Variants in TBX4 observed in about 807,000 individuals in gnomAD.
TBX4 encodes the protein T-box transcription factor 4, also known as T-box transcription factor TBX4.
In TBX4, 13 loss-of-function variants were observed where a neutral mutation model predicts 54.6. The observed-to-expected ratio is 0.24, with a 90% confidence interval of 0.15 to 0.38. The LOEUF (loss-of-function observed/expected upper bound fraction) is 0.38, where lower values mean the gene tolerates loss of function less well. TBX4 is among the 10% of genes least tolerant of loss of function. TBX4 has a pLI of 1.00. For synonymous variants in TBX4, 314 were observed against 306.7 expected (o/e 1.02, Z -0.25); for missense variants, 631 against 728.5 (o/e 0.87, Z 1.54).
chr17:61,482,670 A>C (rs564950534), intron 8 of TBX4, among the ~76,000 whole-genome samples: 2 of 152,124 alleles, frequency 1.3e-5, no homozygotes, highest in African/African-American at 4.8e-5. Flanking sequence ...GTGTCCGGTG[A>C]TGTGGTGTCC....
intron 3 of TBX4, chr17:61,463,466 A>T (rs2060513337): frequency 6.6e-6 from 1 of 152,336 alleles, no homozygotes; most frequent in Non-Finnish European, 1.5e-5. Context: ...GTCCCAAGAC[A>T]CCAGCTGGGG....
At chr17:61,455,500 C>T (rs2060440937) in intron 1 of TBX4, among the ~76,000 whole-genome samples, 1 of 152,228 alleles carries the variant, frequency 6.6e-6, no homozygotes, top group Non-Finnish European at 1.5e-5. Flanking sequence ...GCTCTCATCC[C>T]GAGGCCCCAG....
chr17:61,453,481 A>T (rs918105473), intron 1 of TBX4, among the ~76,000 whole-genome samples: 8 of 152,228 alleles, frequency 5.3e-5, no homozygotes, highest in Non-Finnish European at 7.3e-5. Flanking sequence ...GAGCAATAGT[A>T]ATATAAATAA....
At position 61,481,912 on chromosome 17, in the gene TBX4, G is replaced by C. The variant is rs1220294677; in HGVS notation, c.1022-985G>C. 1 of 152,260 alleles carries C rather than the reference G, an allele frequency of 6.6e-6. No individual in the cohort carries two copies. The highest frequency in any genetic ancestry group is 1.5e-5 in the Non-Finnish European group (1 of 68,094). The allele number at this position is 152,260 out of a possible 1,614,324, so 9.4% of individuals were successfully genotyped here. A position where few individuals can be genotyped will look rare whatever the true frequency, so the allele number is the denominator to read the frequency against. Reference sequence around the variant, plus strand: ...CTCCCCAGTAGCTGAGATTACAGGTGTATGCCACCATGCCCAGCTAATATT... The same window carrying C: ...CTCCCCAGTAGCTGAGATTACAGGTCTATGCCACCATGCCCAGCTAATATT... On this transcript the variant is annotated intron_variant, in intron 8 of 8. Coordinates refer to ENST00000644296, the MANE Select transcript of TBX4 (RefSeq NM_001321120.2). This position sits in a 1 kb window ranked among gnomAD's most constrained non-coding sequence, Gnocchi z 4.8.
In TBX4 at chr17:61,485,104, C is replaced by T. The variant is rs891079942; in HGVS notation, c.*1588C>T. The T allele has an allele frequency of 6.6e-6, 1 of 152,086 alleles. No individual in the cohort carries two copies. The highest frequency in any genetic ancestry group is 2.4e-5 in the African/African-American group (1 of 41,400). The allele number at this position is 152,086 out of a possible 1,614,324, so 9.4% of individuals were successfully genotyped here. ...ATCGGAACATAAAGCCATTTTACAA[C>T]TGTGAAGTGTGTGGATGCTCTTTAT... is the stretch of plus-strand genomic sequence containing the variant. On this transcript the variant is annotated 3_prime_UTR_variant, in exon 9 of 9. Transcript: ENST00000644296. The surrounding 1 kb of genome is among the most constrained non-coding windows in gnomAD (Gnocchi z 4.6).
chr17:61,469,940 G>A (rs2143831641), intron 5 of TBX4, among the ~76,000 whole-genome samples: 1 of 152,314 alleles, frequency 6.6e-6, no homozygotes, highest in Non-Finnish European at 1.5e-5. Flanking sequence ...TACGTTTTCA[G>A]CTTGCCCTGA....
At chr17:61,470,826 G>A (rs958818072) in intron 5 of TBX4, among the ~76,000 whole-genome samples, 1 of 152,188 alleles carries the variant, frequency 6.6e-6, no homozygotes, top group African/African-American at 2.4e-5. Flanking sequence ...TGTGCCCGGC[G>A]ACTATGAGAT....
chr17:61,459,698 T>C lies in TBX4; in HGVS notation c.281+2067T>C, dbSNP rs1186146502. 6.6e-6 allele frequency among the ~76,000 whole-genome samples: 1 copy of C among 152,208 alleles called. No individual in the cohort carries two copies. Among genetic ancestry groups the C allele is most frequent in the Admixed American group, 6.5e-5 (1 of 15,284 alleles). On this transcript the variant is annotated intron_variant, in intron 3 of 8. Coordinates refer to ENST00000644296, the MANE Select transcript of TBX4 (RefSeq NM_001321120.2). This position sits in a 1 kb window ranked among gnomAD's most constrained non-coding sequence, Gnocchi z 4.8. Reference sequence around the variant, plus strand: ...CTTGATCCTAGTTGAGGCTTAGAGATGGACCTTAGGGAATTATGATAATAT... The same window carrying C: ...CTTGATCCTAGTTGAGGCTTAGAGACGGACCTTAGGGAATTATGATAATAT...
Position 61,483,328 on chromosome 17 carries a change from G to A in TBX4, c.1453G>A (p.Glu485Lys), listed in dbSNP as rs779390654. ...TCAGCTCTCCCAGTCTCAGGTCCGA[G>A]AGCGGGGGCCCAGCGCCTCATTCCC... ...YNQLSQSQVR[E>K]RGPSASFPRE... Residue 485 changes from glutamate to lysine, a missense_variant, in exon 9 of 9, where the codon GAG (glutamate) becomes AAG (lysine). Physicochemically the swap from Glu to Lys is moderately conservative, Grantham distance 56 (BLOSUM62 1). Around this residue, in one of 3 missense-constraint regions of TBX4, gnomAD observed 354 missense variants for 368.9 expected, o/e 0.96. Coordinates refer to ENST00000644296, the MANE Select transcript of TBX4 (RefSeq NM_001321120.2). This position sits in a 1 kb window ranked among gnomAD's most constrained non-coding sequence, Gnocchi z 6.6. The A allele has an allele frequency of 1.2e-6, 2 of 1,610,534 alleles. No homozygotes were observed. The highest frequency in any genetic ancestry group is 1.1e-5 in the South Asian group (1 of 90,994).
rs1228459378 is a variant in TBX4 at position 61,480,147 on chromosome 17, G to A, written c.849G>A (p.Gln283=). Residue 283 remains glutamine (Q), a synonymous_variant, in exon 8 of 9, where the codon CAG becomes CAA. Coordinates refer to ENST00000644296, the MANE Select transcript of TBX4 (RefSeq NM_001321120.2). This position sits in a 1 kb window ranked among gnomAD's most constrained non-coding sequence, Gnocchi z 6.2. ...SIMRQRLISP[Q]LSATPDVGPL... is the part of the protein sequence containing the mutation. Reference sequence around the variant, plus strand: ...TGAGGCAGAGGCTCATCTCCCCCCAGCTCTCAGCCACACCGGACGTGGGCC... The same window carrying A: ...TGAGGCAGAGGCTCATCTCCCCCCAACTCTCAGCCACACCGGACGTGGGCC... The A allele has an allele frequency of 6.2e-7, 1 of 1,613,978 alleles. No homozygotes were observed.
rs2060492449 is a variant in TBX4 at position 61,461,222 on chromosome 17, C to A, written c.281+3591C>A. Among the ~76,000 whole-genome samples the A allele has an allele frequency of 6.6e-6, 1 of 152,230 alleles. No individual in the cohort carries two copies. Among genetic ancestry groups the A allele is most frequent in the East Asian group, 1.9e-4 (1 of 5,202 alleles). On this transcript the variant is annotated intron_variant, in intron 3 of 8. Coordinates refer to ENST00000644296, the MANE Select transcript of TBX4 (RefSeq NM_001321120.2). This position sits in a 1 kb window ranked among gnomAD's most constrained non-coding sequence, Gnocchi z 5.1. The stretch of plus-strand genomic sequence containing the variant: ...CCACACACTCTCACCCCTGCCCCTC[C>A]CTCAGGGAAAAGATTTCTTAAATAT...
chr17:61,479,775 C>A lies in TBX4; in HGVS notation c.703-106C>A, dbSNP rs2060650125. On this transcript the variant is annotated intron_variant, in intron 6 of 8. Coordinates refer to ENST00000644296, the MANE Select transcript of TBX4 (RefSeq NM_001321120.2). The surrounding 1 kb of genome is among the most constrained non-coding windows in gnomAD (Gnocchi z 6.1). ...GAGAAGCGGTGAGGCTGGAGAGCGA[C>A]CCCTGAGGGAGGGAGGTTACATGTT... The A allele has an allele frequency of 5.0e-6, 6 of 1,189,686 alleles. No homozygotes were observed. Among genetic ancestry groups the A allele is most frequent in the Non-Finnish European group, 6.3e-6 (5 of 796,214 alleles). The allele number at this position is 1,189,686 out of a possible 1,614,324, so 73.7% of individuals were successfully genotyped here.
intron 1 of TBX4, among the ~76,000 whole-genome samples, chr17:61,455,738 A>G (rs1305094861): frequency 6.6e-6 from 1 of 152,158 alleles, no homozygotes; most frequent in Admixed American, 6.5e-5. Context: ...AGCACCAGGT[A>G]GGGGAGGCCT....
In TBX4 at chr17:61,480,023, C is replaced by T. The variant is rs539117881; in HGVS notation, c.791+54C>T. On this transcript the variant is annotated intron_variant, in intron 7 of 8. Coordinates refer to ENST00000644296, the MANE Select transcript of TBX4 (RefSeq NM_001321120.2). This position sits in a 1 kb window ranked among gnomAD's most constrained non-coding sequence, Gnocchi z 6.2. ...GGGCAGATGGGATTCAGGCACGTGG[C>T]CTCTGTGACCCTCGATGTATCTTCA... is the stretch of plus-strand genomic sequence containing the variant. The T allele has an allele frequency of 6.2e-7, 1 of 1,611,508 alleles. No homozygotes were observed. The highest frequency in any genetic ancestry group is 1.3e-5 in the African/African-American group (1 of 74,926).
rs537096640 is a variant in TBX4, at chr17:61,470,002, C to G, written c.549+2345C>G. 1.7e-4 allele frequency among the ~76,000 whole-genome samples: 26 copies of G among 152,346 alleles called. No individual in the cohort carries two copies. The South Asian group carries it at 5.4e-3, about 32-fold the overall frequency. On this transcript the variant is annotated intron_variant, in intron 5 of 8. Transcript: ENST00000644296. ...TCCAGCCACATGGGCTTGGACTTTT[C>G]TTGGGGATCCTCACGGTATCCCAGG...
At chr17:61,453,500 TAAC>T (rs1402272905) in intron 1 of TBX4, among the ~76,000 whole-genome samples, 1 of 152,150 alleles carries the variant, frequency 6.6e-6, no homozygotes, top group Non-Finnish European at 1.5e-5. Context: ...AAAGACATAT[TAAC>T]AAGAATTGCT....
Position 61,480,035 on chromosome 17 carries a change from T to C in TBX4, c.792-55T>C. The C allele has an allele frequency of 6.2e-7, 1 of 1,611,844 alleles. No individual in the cohort carries two copies. ...TTCAGGCACGTGGCCTCTGTGACCC[T>C]CGATGTATCTTCACTCTCTTCCTGT... On this transcript the variant is annotated intron_variant, in intron 7 of 8. Coordinates refer to ENST00000644296, the MANE Select transcript of TBX4 (RefSeq NM_001321120.2). The surrounding 1 kb of genome is among the most constrained non-coding windows in gnomAD (Gnocchi z 6.2).
chr17:61,458,215 T>C (rs2060468744), intron 3 of TBX4, among the ~76,000 whole-genome samples: 1 of 149,570 alleles, frequency 6.7e-6, no homozygotes, highest in African/African-American at 2.5e-5. Flanking sequence ...GGATGATTTA[T>C]AAAGTGGAAA....
At chr17:61,482,776 A>G in intron 8 of TBX4, 121 bp from the exon 9 acceptor site, 2 of 1,454,506 alleles carry the variant, frequency 1.4e-6, no homozygotes, top group Non-Finnish European at 1.9e-6. Context: ...TGGGAGTGCC[A>G]TGGCAACATG....
Sources: allele counts gnomAD v4.1 joint callset (sites outside exome capture counted in the v4.1 genomes callset), GRCh38; gene constraint gnomAD v4.1.1; regional missense constraint gnomAD v4.1.1; non-coding constraint Gnocchi (gnomAD v3.1); transcripts MANE v1.5; gene names NCBI Gene and HGNC (gene_info 2026-07-23, HGNC 2026-07-21).